The following SP100 variants were observed in gnomAD, a reference collection of about 807,000 sequenced individuals.
SP100 encodes nuclear autoantigen Sp-100.
In SP100, 84 loss-of-function variants were observed where a neutral mutation model predicts 130.0. The observed-to-expected ratio is 0.65, with a 90% CI of 0.54 to 0.77. SP100 has a LOEUF of 0.77. SP100 is among the 30% of genes least tolerant of loss of function. The probability of loss-of-function intolerance (pLI) is 0.00; values close to 1 mark genes in which losing one functional copy is unlikely to be tolerated. For synonymous variants in SP100, 331 were observed against 351.7 expected, an observed-to-expected ratio of 0.94 and a Z score of 0.66; for missense variants, 978 against 1,052.2, an observed-to-expected ratio of 0.93 and a Z score of 0.97.
At chr2:230,482,417 C>G (rs1263378543) in intron 17 of SP100, among the ~76,000 whole-genome samples, 1 of 152,136 alleles carries the variant, frequency 6.6e-6, no homozygotes, top group Non-Finnish European at 1.5e-5. Flanking sequence ...CCTTCTCATC[C>G]TTTCCCTCTT....
At chr2:230,474,937 A>G (rs1159515365) in intron 17 of SP100, among the ~76,000 whole-genome samples, 2 of 151,506 alleles carry the variant, frequency 1.3e-5, no homozygotes, top group Admixed American at 6.6e-5. Flanking sequence ...TTCACTGTTG[A>G]TGGGCAACTA....
chr2:230,474,784 A>G (rs138729923), intron 17 of SP100, among the ~76,000 whole-genome samples: 143 of 152,096 alleles, frequency 9.4e-4, no homozygotes, highest in Non-Finnish European at 1.5e-3. Flanking sequence ...AACATGCAGT[A>G]TTTGGTTTTC....
chr2:230,422,877 G>T (rs539388703), intron 2 of SP100, among the ~76,000 whole-genome samples: 7 of 152,212 alleles, frequency 4.6e-5, no homozygotes, highest in African/African-American at 1.7e-4. Flanking sequence ...TTTATATTTT[G>T]TTGTGGGATT....
intron 17 of SP100, among the ~76,000 whole-genome samples, chr2:230,484,420 A>T (rs1415945573): frequency 6.6e-6 from 1 of 152,246 alleles, no homozygotes; most frequent in Non-Finnish European, 1.5e-5. Context: ...TCAACTTTTT[A>T]AAAATCTATT....
At chr2:230,449,400 A>T (rs1575626419) in intron 6 of SP100, 161 bp from the exon 7 acceptor site, 2 of 851,556 alleles carry the variant, frequency 2.3e-6, no homozygotes, top group South Asian at 2.8e-5. Context: ...CGTTTTACCC[A>T]TGTGCCTGCT....
chr2:230,467,254 G>T (rs749104544), intron 13 of SP100, 39 bp downstream of exon 13: 1 of 1,417,160 alleles, frequency 7.1e-7, no homozygotes, highest in East Asian at 2.3e-5. Flanking sequence ...TCTGACTTCA[G>T]AGCACCTCTT....
rs569271705 is a variant in SP100, at chr2:230,514,925, T to C, written c.2094+3759T>C. 1.7e-4 allele frequency: 182 copies of C among 1,085,458 alleles called. No individual in the cohort carries two copies. In the African/African-American group the frequency reaches 2.8e-3, roughly 16 times the overall value. 67.2% of individuals were successfully genotyped at this position (1,085,458 alleles called of 1,614,324 possible). A position where few individuals can be genotyped will look rare whatever the true frequency, so the allele number is the denominator to read the frequency against. On this transcript the variant is annotated intron_variant, in intron 24 of 28. Coordinates refer to ENST00000340126, the MANE Select transcript of SP100 (RefSeq NM_001080391.2). ...ACGAGGTCAAAAAACCTACAAGAGA[T>C]TGCAGTACATTGAGCTCCATAGAGA...
chr2:230,470,427 G>A lies in SP100; in HGVS notation c.1429+329G>A, dbSNP rs552456051. 1.0e-5 allele frequency: 10 copies of A among 1,003,802 alleles called. No homozygotes were observed. In the East Asian group the frequency reaches 1.0e-3, roughly 103 times the overall value. 62.2% of individuals were successfully genotyped at this position (1,003,802 alleles called of 1,614,324 possible). ...ATCTTAGATTTTTATAGTGATAAAT[G>A]GGTTGACATCATTGTCATTTGTAAT... On this transcript the variant is annotated intron_variant, in intron 15 of 28. Transcript: ENST00000340126.
At chr2:230,451,126 G>C (rs1213342192) in intron 8 of SP100, among the ~76,000 whole-genome samples, 1 of 152,190 alleles carries the variant, frequency 6.6e-6, no homozygotes, top group East Asian at 1.9e-4. Context: ...CATCTGTACT[G>C]ATTTCATATC....
rs201365174 is a variant in SP100 at position 230,542,048 on chromosome 2, C to G, written c.2547+13C>G. 1.3e-4 allele frequency: 214 copies of G among 1,613,252 alleles called. 1 individual carries two copies. The highest frequency in any genetic ancestry group is 1.7e-4 in the Non-Finnish European group (198 of 1,179,488). ...GGAATTTTACAGGGTGAGTGGCTCT[C>G]CCTGCTTCCTTTTCTCTTTCAATTA... On this transcript the variant is annotated intron_variant, in intron 28 of 28. Coordinates refer to ENST00000340126, the MANE Select transcript of SP100 (RefSeq NM_001080391.2).
chr2:230,488,578 T>C (rs562999949), intron 17 of SP100, among the ~76,000 whole-genome samples: 1 of 152,154 alleles, frequency 6.6e-6, no homozygotes, highest in Non-Finnish European at 1.5e-5. Context: ...CATGCCTGGC[T>C]AATTTTTAGC....
chr2:230,437,548 GT>G (rs966010881), intron 2 of SP100, among the ~76,000 whole-genome samples: 4 of 151,328 alleles, frequency 2.6e-5, no homozygotes, highest in Non-Finnish European at 4.4e-5. Context: ...TTTTTTCTTT[GT>G]TTTTTTTGTT....
intron 12 of SP100, among the ~76,000 whole-genome samples, chr2:230,466,876 G>T (rs2064986556): frequency 6.6e-6 from 1 of 152,216 alleles, no homozygotes; most frequent in Admixed American, 6.5e-5. Context: ...AAGCAGAGAT[G>T]CCCACTGGGG....
At position 230,498,589 on chromosome 2, in the gene SP100, T is replaced by C. The variant is rs1252401075; in HGVS notation, c.1720+54T>C. On this transcript the variant is annotated intron_variant, in intron 19 of 28. Coordinates refer to ENST00000340126, the MANE Select transcript of SP100 (RefSeq NM_001080391.2). ...AATAACGTCTAAATTCTCATGCTCTTAGTAAGAAACATTTTTTTCCTAAAT... is the reference window on the plus strand; with the variant it reads ...AATAACGTCTAAATTCTCATGCTCTCAGTAAGAAACATTTTTTTCCTAAAT... The C allele has an allele frequency of 5.0e-5, 50 of 1,007,644 alleles. 1 individual carries two copies. The highest frequency in any genetic ancestry group is 4.1e-5 in the Non-Finnish European group (30 of 733,126). 62.4% of individuals were successfully genotyped at this position (1,007,644 alleles called of 1,614,324 possible). A position where few individuals can be genotyped will look rare whatever the true frequency, so the allele number is the denominator to read the frequency against.
chr2:230,425,688 T>G (rs1010570373), intron 2 of SP100, among the ~76,000 whole-genome samples: 18 of 152,280 alleles, frequency 1.2e-4, no homozygotes, highest in African/African-American at 4.3e-4. Context: ...TTGTTGCATC[T>G]ATGTATATCT....
intron 2 of SP100, 49 bp downstream of exon 2, chr2:230,417,714 A>AT (rs1439710504): frequency 6.3e-7 from 1 of 1,583,250 alleles, no homozygotes; most frequent in Non-Finnish European, 8.6e-7. Flanking sequence ...TTTCCTTACG[A>AT]TGGGAAAATT....
chr2:230,432,476 G>A (rs938741374), intron 2 of SP100, among the ~76,000 whole-genome samples: 3 of 152,180 alleles, frequency 2.0e-5, no homozygotes, highest in African/African-American at 7.2e-5. Flanking sequence ...GTTTCCGAAA[G>A]ACCATTTTAC....
chr2:230,489,797 G>T (rs144118508), intron 17 of SP100, among the ~76,000 whole-genome samples: 3 of 152,054 alleles, frequency 2.0e-5, no homozygotes, highest in African/African-American at 7.3e-5. Flanking sequence ...GGAGCAGGTT[G>T]TTCAATTTCC....
intron 25 of SP100, among the ~76,000 whole-genome samples, chr2:230,540,461 C>T (rs1004937744): frequency 6.6e-6 from 1 of 152,202 alleles, no homozygotes; most frequent in Non-Finnish European, 1.5e-5. Context: ...TCTCTGCTTA[C>T]TCAGCAAAGT....
Sources: gnomAD v4.1 joint callset for allele counts (sites outside exome capture counted in the v4.1 genomes callset) on GRCh38, gnomAD v4.1.1 for gene constraint, MANE v1.5 for transcripts, NCBI Gene and HGNC (gene_info 2026-07-23, HGNC 2026-07-21) for gene names.